The following CFAP54 variants were observed in gnomAD, a reference collection of about 807,000 sequenced individuals.
CFAP54 encodes the protein cilia- and flagella-associated protein 54.
Under a neutral mutation model 370.4 loss-of-function variants are expected in CFAP54, and 290 were observed. That is an observed-to-expected ratio of 0.78 (90% CI 0.71 to 0.86). CFAP54 has a LOEUF of 0.86. Among genes scored for constraint, CFAP54 ranks in the 40% least tolerant of loss-of-function variants. CFAP54 has a pLI of 0.00. For synonymous variants in CFAP54, 1,206 were observed against 1,236.5 expected, an observed-to-expected ratio of 0.98 and a Z score of 0.52; for missense variants, 3,399 against 3,528.7, an observed-to-expected ratio of 0.96 and a Z score of 0.93.
chr12:96,634,639 C>T (rs1177225954), intron 32 of CFAP54, among the ~76,000 whole-genome samples: 1 of 152,012 alleles, frequency 6.6e-6, no homozygotes, highest in African/African-American at 2.4e-5. Flanking sequence ...ATGGGTTGTG[C>T]TTTTGGTGGC....
chr12:96,815,505 G>T (rs1396617708), intron 64 of CFAP54, among the ~76,000 whole-genome samples: 2 of 152,100 alleles, frequency 1.3e-5, no homozygotes, highest in Non-Finnish European at 2.9e-5. Context: ...TCTGTAGGTT[G>T]CCTGTTCACT....
At chr12:96,721,784 G>A (rs1957756988) in intron 50 of CFAP54, among the ~76,000 whole-genome samples, 1 of 152,088 alleles carries the variant, frequency 6.6e-6, no homozygotes, top group South Asian at 2.1e-4. Context: ...ACAATATTGT[G>A]CAAAATCTTG....
chr12:96,500,686 A>T, intron 1 of CFAP54, 148 bp from the exon 2 acceptor site: 3 of 510,154 alleles, frequency 5.9e-6, no homozygotes, highest in Non-Finnish European at 1.0e-5. Context: ...TTTTAACTGT[A>T]ATTACATTTA....
At position 96,847,974 on chromosome 12, in the gene CFAP54, A is replaced by G. The variant is rs148062632; in HGVS notation, c.9172-12845A>G. Among the ~76,000 whole-genome samples, 50 of 152,368 alleles carry G rather than the reference A, an allele frequency of 3.3e-4. 2 individuals are homozygous for G. The East Asian group carries it at 9.6e-3, about 29-fold the overall frequency. Reference sequence around the variant, plus strand: ...TTCTTCTATTCTTAGACAATGTAACATTTGAACCAATTCTCTGCACAAATG... The same window carrying G: ...TTCTTCTATTCTTAGACAATGTAACGTTTGAACCAATTCTCTGCACAAATG... On this transcript the variant is annotated intron_variant, in intron 66 of 67. Transcript: ENST00000524981.
intron 33 of CFAP54, chr12:96,645,834 A>C (rs1565926786): frequency 6.6e-6 from 1 of 152,244 alleles, no homozygotes; most frequent in Non-Finnish European, 1.5e-5. Flanking sequence ...AACCTGACAA[A>C]AACAAAAAAT....
At chr12:96,810,307 C>T (rs1020317944) in intron 63 of CFAP54, among the ~76,000 whole-genome samples, 5 of 152,090 alleles carry the variant, frequency 3.3e-5, no homozygotes, top group African/African-American at 1.2e-4. Context: ...GTGTTGCTAA[C>T]ATCTTTTGTC....
intron 20 of CFAP54, among the ~76,000 whole-genome samples, chr12:96,578,868 C>T (rs1235825338): frequency 2.6e-5 from 4 of 152,204 alleles, no homozygotes; most frequent in Non-Finnish European, 5.9e-5. Context: ...TACGTATAAA[C>T]TGTTCTAAAG....
intron 62 of CFAP54, among the ~76,000 whole-genome samples, chr12:96,790,012 T>C (rs1392867526): frequency 2.7e-5 from 2 of 73,884 alleles, no homozygotes; most frequent in Admixed American, 1.3e-4. Flanking sequence ...TTAAACCTAC[T>C]TTCCCCCACA....
At chr12:96,610,954 T>A (rs573367958) in intron 26 of CFAP54, among the ~76,000 whole-genome samples, 1 of 152,342 alleles carries the variant, frequency 6.6e-6, no homozygotes, top group Admixed American at 6.5e-5. Context: ...AGATTCCACC[T>A]GTGGGGGCAG....
chr12:96,792,906 T>A (rs1280538258), intron 63 of CFAP54, among the ~76,000 whole-genome samples: 1 of 152,058 alleles, frequency 6.6e-6, no homozygotes, highest in African/African-American at 2.4e-5. Flanking sequence ...TAATGTTAGA[T>A]CAATGTTGTG....
intron 67 of CFAP54, among the ~76,000 whole-genome samples, chr12:96,863,198 T>TGGATGG (rs71078431): frequency 6.7e-6 from 1 of 149,446 alleles, no homozygotes; most frequent in African/African-American, 2.5e-5. Context: ...GATGGATGGA[T>TGGATGG]ATAATCCAGG....
rs146895296 is a variant in CFAP54 at position 96,682,146 on chromosome 12, G to T, written c.5716+2394G>T. ...TATTATTTTTCATGAATTTAGGAGA[G>T]AAAGGAGAAATAAATGATTCAAAAT... On this transcript the variant is annotated intron_variant, in intron 40 of 67. Coordinates refer to ENST00000524981, the MANE Select transcript of CFAP54 (RefSeq NM_001306084.2). The T allele has an allele frequency of 2.5e-4, 245 of 981,406 alleles. 1 individual carries two copies. In the African/African-American group the frequency reaches 4.0e-3, roughly 16 times the overall value. The allele number at this position is 981,406 out of a possible 1,614,324, so 60.8% of individuals were successfully genotyped here. A position where few individuals can be genotyped will look rare whatever the true frequency, so the allele number is the denominator to read the frequency against.
intron 50 of CFAP54, among the ~76,000 whole-genome samples, chr12:96,737,332 A>G (rs1478248705): frequency 6.6e-6 from 1 of 152,126 alleles, no homozygotes; most frequent in East Asian, 1.9e-4. Context: ...TGCTTAATAT[A>G]GTACCTGTCA....
intron 26 of CFAP54, among the ~76,000 whole-genome samples, chr12:96,601,797 G>A (rs1407656826): frequency 6.6e-6 from 1 of 152,090 alleles, no homozygotes; most frequent in African/African-American, 2.4e-5. Flanking sequence ...GGGATTGGTG[G>A]TGATATCCCC....
intron 1 of CFAP54, among the ~76,000 whole-genome samples, chr12:96,493,886 AAAAG>A (rs1341214295): frequency 4.6e-5 from 7 of 152,360 alleles, no homozygotes; most frequent in African/African-American, 9.6e-5. Context: ...ATTAAAAAGA[AAAAG>A]AAAAAGAGAA....
intron 37 of CFAP54, 37 bp downstream of exon 37, chr12:96,658,142 C>T (rs571987638): frequency 2.6e-6 from 4 of 1,565,004 alleles, no homozygotes; most frequent in Non-Finnish European, 3.5e-6. Flanking sequence ...AAGTAGAAGA[C>T]TTCATTGAAA....
chr12:96,797,625 A>G (rs145703933), intron 63 of CFAP54, among the ~76,000 whole-genome samples: 1 of 152,126 alleles, frequency 6.6e-6, no homozygotes, highest in Non-Finnish European at 1.5e-5. Flanking sequence ...ACCTTTTTGT[A>G]ATAATGTTCA....
intron 60 of CFAP54, among the ~76,000 whole-genome samples, chr12:96,767,983 T>A (rs1413301687): frequency 6.6e-6 from 1 of 152,068 alleles, no homozygotes; most frequent in African/African-American, 2.4e-5. Context: ...CATGAGCTTC[T>A]AGTCATGGGC....
chr12:96,768,824 G>C (rs868685117), intron 60 of CFAP54, among the ~76,000 whole-genome samples: 2 of 152,200 alleles, frequency 1.3e-5, no homozygotes, highest in African/African-American at 2.4e-5. Flanking sequence ...AGTTAATTAA[G>C]AGCGTTGTTT....
Sources: gnomAD v4.1 joint callset for allele counts (sites outside exome capture counted in the v4.1 genomes callset) on GRCh38, gnomAD v4.1.1 for gene constraint, MANE v1.5 for transcripts, NCBI Gene and HGNC (gene_info 2026-07-23, HGNC 2026-07-21) for gene names.